Variants in STAM observed in about 807,000 individuals in gnomAD.
STAM encodes the protein signal transducing adapter molecule 1.
In STAM, 16 loss-of-function variants were observed where a neutral mutation model predicts 63.4. The ratio of observed to expected loss-of-function variants is 0.25; its 90% CI spans 0.17 to 0.38. The LOEUF (loss-of-function observed/expected upper bound fraction) is 0.38. Ranked by LOEUF, STAM falls within the 10% of genes least tolerant of loss-of-function variation. STAM has a pLI of 1.00. For synonymous variants in STAM, 238 were observed against 223.9 expected (o/e 1.06, Z -0.56); for missense variants, 636 against 657.1 (o/e 0.97, Z 0.35).
At chr10:17,671,427 A>G (rs1834636252) in intron 2 of STAM, among the ~76,000 whole-genome samples, 2 of 152,244 alleles carry the variant, frequency 1.3e-5, no homozygotes, top group African/African-American at 4.8e-5. Flanking sequence ...ACATTCTGAT[A>G]AGGAGGTATT....
At chr10:17,698,805 G>T (rs781849078) in intron 8 of STAM, among the ~76,000 whole-genome samples, 1 of 152,188 alleles carries the variant, frequency 6.6e-6, no homozygotes, top group Non-Finnish European at 1.5e-5. Context: ...GTCAAGAGCT[G>T]TTAGAATATG....
chr10:17,649,496 A>G (rs1833653191), intron 1 of STAM, among the ~76,000 whole-genome samples: 1 of 151,964 alleles, frequency 6.6e-6, no homozygotes, highest in African/African-American at 2.4e-5. Context: ...CCTGACATTA[A>G]TTGATTGATT....
Position 17,660,922 on chromosome 10 carries a change from C to T in STAM, c.125+374C>T, listed in dbSNP as rs7899570. Among the ~76,000 whole-genome samples the T allele has an allele frequency of 4.7e-3, 716 of 151,872 alleles. 6 individuals are homozygous for T. The highest frequency in any genetic ancestry group is 0.016 in the African/African-American group (648 of 41,408). ...GGTAAAAAGTTGATGCTTTAATCAC[C>T]CTCCTTCATATTTTCTTCTGGAATC... On this transcript the variant is annotated intron_variant, in intron 2 of 13. Coordinates refer to ENST00000377524, the MANE Select transcript of STAM (RefSeq NM_003473.4).
rs527906957 is a variant in STAM at position 17,716,179 on chromosome 10, A to G, written c.*1399A>G. 6.6e-6 allele frequency among the ~76,000 whole-genome samples: 1 copy of G among 152,292 alleles called. No individual in the cohort carries two copies. Among genetic ancestry groups the G allele is most frequent in the South Asian group, 2.1e-4 (1 of 4,832 alleles). Reference sequence around the variant, plus strand: ...CAACGGAAAAGTTGAGTCGAACATCATATTTAATGAATTGATGTAACAGGT... The same window carrying G: ...CAACGGAAAAGTTGAGTCGAACATCGTATTTAATGAATTGATGTAACAGGT... On this transcript the variant is annotated 3_prime_UTR_variant, in exon 14 of 14. Coordinates refer to ENST00000377524, the MANE Select transcript of STAM (RefSeq NM_003473.4).
chr10:17,655,619 T>C (rs1007023388), intron 1 of STAM, among the ~76,000 whole-genome samples: 2 of 152,158 alleles, frequency 1.3e-5, no homozygotes, highest in Non-Finnish European at 2.9e-5. Flanking sequence ...CTGCTCTCAG[T>C]AGTAGGTCAA....
intron 2 of STAM, among the ~76,000 whole-genome samples, chr10:17,666,490 G>T (rs1240916685): frequency 6.6e-6 from 1 of 151,086 alleles, no homozygotes; most frequent in Non-Finnish European, 1.5e-5. Context: ...CGCCTGCCGG[G>T]TTCACCCCAT....
chr10:17,701,384 A>G (rs1835987078), intron 9 of STAM, among the ~76,000 whole-genome samples: 1 of 152,238 alleles, frequency 6.6e-6, no homozygotes, highest in Admixed American at 6.5e-5. Flanking sequence ...GCAACTAGCA[A>G]ACCATTAAGG....
At chr10:17,703,973 C>T (rs983184919) in intron 9 of STAM, among the ~76,000 whole-genome samples, 5 of 152,170 alleles carry the variant, frequency 3.3e-5, no homozygotes, top group Admixed American at 3.3e-4. Context: ...GCTAAAGCTG[C>T]TCCGAAACAA....
chr10:17,660,594 A>G (rs1554822759), intron 2 of STAM, 46 bp downstream of exon 2: 4 of 1,509,020 alleles, frequency 2.7e-6, no homozygotes, highest in Non-Finnish European at 2.7e-6. Flanking sequence ...TCTTTTTAAA[A>G]AACACGAAAG....
At chr10:17,696,493 C>T (rs994081839) in intron 7 of STAM, 5 of 303,964 alleles carry the variant, frequency 1.6e-5, no homozygotes, top group Admixed American at 1.4e-4. Context: ...CCATCTGAAG[C>T]TGACAATTTT....
chr10:17,696,289 T>G (rs1835753348), intron 7 of STAM, among the ~76,000 whole-genome samples: 1 of 152,136 alleles, frequency 6.6e-6, no homozygotes, highest in Admixed American at 6.5e-5. Context: ...ATACTAGAGT[T>G]TACACCTAGG....
intron 1 of STAM, among the ~76,000 whole-genome samples, chr10:17,645,880 C>A (rs1167565562): frequency 6.6e-6 from 1 of 152,168 alleles, no homozygotes; most frequent in Admixed American, 6.5e-5. Flanking sequence ...ATACTTGCTT[C>A]TTCTGTTTAC....
At chr10:17,668,095 GA>G (rs1834471597) in intron 2 of STAM, among the ~76,000 whole-genome samples, 1 of 152,202 alleles carries the variant, frequency 6.6e-6, no homozygotes. Flanking sequence ...CCAAAGTGTT[GA>G]AAGCATCACT....
chr10:17,670,863 G>T (rs1554824000), intron 2 of STAM, among the ~76,000 whole-genome samples: 1 of 151,932 alleles, frequency 6.6e-6, no homozygotes, highest in Non-Finnish European at 1.5e-5. Flanking sequence ...TTTATATGTT[G>T]TGTGGATTAT....
At chr10:17,706,284 ATCAGCCATC>A (rs1554829244) in intron 12 of STAM, among the ~76,000 whole-genome samples, 2 of 151,550 alleles carry the variant, frequency 1.3e-5, no homozygotes, top group Non-Finnish European at 2.9e-5. Flanking sequence ...ATGCAGCAGA[ATCAGCCATC>A]ACACTTTTGA....
intron 2 of STAM, among the ~76,000 whole-genome samples, chr10:17,674,946 A>G (rs1834785715): frequency 6.6e-6 from 1 of 152,234 alleles, no homozygotes; most frequent in African/African-American, 2.4e-5. Context: ...TAAGAATGGA[A>G]TGACAAAATG....
rs782386950 is a variant in STAM at position 17,684,837 on chromosome 10, A to G, written c.207A>G (p.Leu69=). 1 of 1,614,056 alleles carries G rather than the reference A, an allele frequency of 6.2e-7. No individual in the cohort carries two copies. Among genetic ancestry groups the G allele is most frequent in the Non-Finnish European group, 8.5e-7 (1 of 1,179,952 alleles). ...PHVAMQALTL[L]GACVSNCGKI... The stretch of plus-strand genomic sequence containing the variant: ...TTCTGATTTTGTGCTTTTAGCTTCT[A>G]GGAGCATGTGTATCAAACTGTGGCA... The change falls in exon 4 of 14, where the codon CTA becomes CTG. Residue 69 remains leucine, a synonymous_variant. Transcript: ENST00000377524.
intron 4 of STAM, among the ~76,000 whole-genome samples, chr10:17,687,206 G>A (rs1176358925): frequency 4.6e-5 from 7 of 152,162 alleles, no homozygotes; most frequent in Admixed American, 3.3e-4. Context: ...TGGGCACGGT[G>A]GCTCATGCCT....
chr10:17,646,963 A>C (rs1833543816), intron 1 of STAM, among the ~76,000 whole-genome samples: 1 of 152,244 alleles, frequency 6.6e-6, no homozygotes, highest in Non-Finnish European at 1.5e-5. Context: ...TCTGAGGCTG[A>C]ATCAGAAATT....
Sources: gnomAD v4.1 joint callset for allele counts (sites outside exome capture counted in the v4.1 genomes callset) on GRCh38, gnomAD v4.1.1 for gene constraint, MANE v1.5 for transcripts, NCBI Gene and HGNC (gene_info 2026-07-23, HGNC 2026-07-21) for gene names.